The following SMIM7 variants were observed in gnomAD, a reference collection of about 807,000 sequenced individuals.
SMIM7 encodes the protein UPF0608 protein C19orf42.
Under a neutral mutation model 13.3 loss-of-function variants are expected in SMIM7, and 12 were observed. That is an observed-to-expected ratio of 0.90 (90% CI 0.58 to 1.46). The LOEUF (loss-of-function observed/expected upper bound fraction) is 1.46. Among genes scored for constraint, SMIM7 ranks in the 40% most tolerant of loss-of-function variants. The pLI, the probability that SMIM7 is intolerant of heterozygous loss-of-function variation, is 0.00. For synonymous variants in SMIM7, 36 were observed against 35.8 expected, an observed-to-expected ratio of 1.01 and a Z score of -0.02; for missense variants, 114 against 94.8, an observed-to-expected ratio of 1.20 and a Z score of -0.84.
At chr19:16,642,973 G>A (rs561800382), downstream of SMIM7, among the ~76,000 whole-genome samples, 68 of 151,930 alleles carry the variant, frequency 4.5e-4, no homozygotes, top group Admixed American at 9.8e-4. Flanking sequence ...ACAGGCGTGC[G>A]CCACCACACC....
intron 4 of SMIM7, among the ~76,000 whole-genome samples, chr19:16,637,977 G>A (rs2086372466): frequency 6.6e-6 from 1 of 152,120 alleles, no homozygotes; most frequent in South Asian, 2.1e-4. Flanking sequence ...CAAAAGGGAG[G>A]CTGGTTGTGG....
In SMIM7 at chr19:16,654,065, C is replaced by A. The variant is rs757480728; in HGVS notation, c.182G>T (p.Trp61Leu). The change falls in exon 4 of 5, where the codon TGG becomes TTG. Residue 61 changes from tryptophan (W) to leucine (L), a missense_variant. By Grantham distance (61) the Trp-to-Leu change is moderately conservative. Transcript: ENST00000487416. Reference sequence around the variant, plus strand: ...CATGCAGAACATCATGAAGATGTTCCACAGGGCGATGAAGATTCGAAAGTA... The same window carrying A: ...CATGCAGAACATCATGAAGATGTTCAACAGGGCGATGAAGATTCGAAAGTA... Reference protein sequence around the residue: ...LRYFRIFIALWNIFMMFCMIV... With the variant: ...LRYFRIFIALLNIFMMFCMIV... The A allele has an allele frequency of 6.2e-7, 1 of 1,613,976 alleles. No homozygotes were observed. The highest frequency in any genetic ancestry group is 2.2e-5 in the East Asian group (1 of 44,872).
intron 4 of SMIM7, among the ~76,000 whole-genome samples, chr19:16,639,481 G>A (rs779687480): frequency 3.3e-5 from 5 of 152,058 alleles, no homozygotes; most frequent in Non-Finnish European, 7.4e-5. Context: ...TTCCATAAAG[G>A]GTCAGAAAGT....
chr19:16,631,286 A>G (rs2086319717), exon 5 of SMIM7: 1 of 152,114 alleles, frequency 6.6e-6, no homozygotes, highest in Non-Finnish European at 1.5e-5. Flanking sequence ...CTTGGGAGGT[A>G]GAGGCAGGAG....
downstream of SMIM7, chr19:16,644,972 T>C (rs2086435507): frequency 6.6e-6 from 1 of 152,140 alleles, no homozygotes. Context: ...TTAGCCAAGG[T>C]CCCTCTCAGA....
intron 4 of SMIM7, among the ~76,000 whole-genome samples, chr19:16,648,197 G>A (rs182251907): frequency 6.6e-5 from 10 of 152,086 alleles, no homozygotes; most frequent in Admixed American, 6.5e-5. Context: ...GTGGAGTGCC[G>A]TGGGGCGATC....
At chr19:16,639,206 C>G (rs1255793524) in intron 4 of SMIM7, among the ~76,000 whole-genome samples, 1 of 150,480 alleles carries the variant, frequency 6.6e-6, no homozygotes, top group South Asian at 2.1e-4. Context: ...ACTGCAAGCT[C>G]CGCCCCCCCA....
chr19:16,654,535 G>A (rs1360859682), intron 3 of SMIM7, among the ~76,000 whole-genome samples: 1 of 152,094 alleles, frequency 6.6e-6, no homozygotes. Context: ...TGGCCTATGA[G>A]CTAATAGTTT....
At chr19:16,652,806 T>C in intron 4 of SMIM7, 2 of 1,541,576 alleles carry the variant, frequency 1.3e-6, no homozygotes, top group Non-Finnish European at 8.8e-7. Context: ...GGGGGAAGCA[T>C]ACAGGGATGG....
intron 4 of SMIM7, among the ~76,000 whole-genome samples, chr19:16,648,028 GA>G (rs2086472014): frequency 6.6e-6 from 1 of 152,170 alleles, no homozygotes; most frequent in South Asian, 2.1e-4. Context: ...ACTCTTGGAA[GA>G]AAACTTACGT....
chr19:16,645,228 A>C (rs1224970978), downstream of SMIM7: 1 of 147,432 alleles, frequency 6.8e-6, no homozygotes, highest in Non-Finnish European at 1.5e-5. Flanking sequence ...CTCTGGAGAA[A>C]AAGAGGACTA....
intron 3 of SMIM7, among the ~76,000 whole-genome samples, chr19:16,656,151 C>T (rs1411384868): frequency 1.3e-5 from 2 of 152,052 alleles, no homozygotes; most frequent in Non-Finnish European, 2.9e-5. Flanking sequence ...TTTGGGAGGC[C>T]GAGGCAGGTG....
chr19:16,651,475 C>A (rs1366951243), intron 4 of SMIM7, among the ~76,000 whole-genome samples: 4 of 152,208 alleles, frequency 2.6e-5, no homozygotes, highest in Non-Finnish European at 5.9e-5. Flanking sequence ...CAATCAGACT[C>A]TGCCCCAGGA....
chr19:16,638,643 A>C (rs1401880491), intron 4 of SMIM7, among the ~76,000 whole-genome samples: 2 of 152,108 alleles, frequency 1.3e-5, no homozygotes, highest in Non-Finnish European at 2.9e-5. Context: ...CCATTTCTTT[A>C]TAGCAATGCA....
chr19:16,633,081 C>T lies in SMIM7; in HGVS notation c.*138-1357G>A, dbSNP rs538935719. 3.0e-4 allele frequency among the ~76,000 whole-genome samples: 46 copies of T among 152,232 alleles called. 1 individual carries two copies. The South Asian group carries it at 3.9e-3, about 13-fold the overall frequency. Reference sequence around the variant, plus strand: ...AATGGGAAGGTTATGAATTAGAAGGCGCCACAGGGAGCCTTGTGGGTGCTA... The same window carrying T: ...AATGGGAAGGTTATGAATTAGAAGGTGCCACAGGGAGCCTTGTGGGTGCTA... On this transcript the variant is annotated intron_variant and NMD_transcript_variant, in intron 4 of 4. Coordinates refer to the SMIM7 transcript ENST00000465250.
intron 3 of SMIM7, among the ~76,000 whole-genome samples, chr19:16,656,582 T>A (rs1215838656): frequency 2.0e-5 from 3 of 151,194 alleles, no homozygotes; most frequent in Non-Finnish European, 4.4e-5. Context: ...GGCATGTGCA[T>A]GGGGAAGGGT....
At chr19:16,659,265 A>G in intron 3 of SMIM7, 130 bp downstream of exon 3, 2 of 873,230 alleles carry the variant, frequency 2.3e-6, no homozygotes, top group Non-Finnish European at 3.5e-6. Context: ...CCTGGACAAC[A>G]GAGCAAGACC....
At chr19:16,636,071 C>T (rs2086359173) in intron 4 of SMIM7, 1 of 151,914 alleles carries the variant, frequency 6.6e-6, no homozygotes, top group Non-Finnish European at 1.5e-5. Context: ...CATCAACTGA[C>T]TGCTGGATTC....
intron 4 of SMIM7, among the ~76,000 whole-genome samples, chr19:16,650,476 G>A (rs573726224): frequency 2.0e-5 from 3 of 152,284 alleles, no homozygotes; most frequent in South Asian, 2.1e-4. Flanking sequence ...TTGGGAGGCC[G>A]AGGCAGGTGA....
Sources: allele counts gnomAD v4.1 joint callset (sites outside exome capture counted in the v4.1 genomes callset), GRCh38; gene constraint gnomAD v4.1.1; transcripts MANE v1.5; gene names NCBI Gene and HGNC (gene_info 2026-07-23, HGNC 2026-07-21).